ANTXR1: variants seen among roughly 807,000 people sequenced by gnomAD.
ANTXR1 encodes the protein ANTXR cell adhesion molecule 1.
ANTXR1 carries 19 observed loss-of-function variants against 78.1 expected under a neutral mutation model. The ratio of observed to expected loss-of-function variants is 0.24; its 90% CI spans 0.17 to 0.36. The LOEUF is 0.36. ANTXR1 is among the 10% of genes least tolerant of loss of function. The pLI is 1.00. For synonymous variants in ANTXR1, 273 were observed against 260.5 expected (o/e 1.05, Z -0.46); for missense variants, 518 against 718.6 (o/e 0.72, Z 3.19).
At chr2:69,172,926 C>T (rs528198050) in intron 14 of ANTXR1, among the ~76,000 whole-genome samples, 196 of 152,316 alleles carry the variant, frequency 1.3e-3, no homozygotes, top group Admixed American at 2.3e-3. Flanking sequence ...GGGATCCCTC[C>T]CTAACTCTCC....
Position 69,088,530 on chromosome 2 carries a change from G to A in ANTXR1, c.643-2329G>A, listed in dbSNP as rs530132809. Reference sequence around the variant, plus strand: ...AAATGTGGGCTGTCTGGAGACTTGTGCCTGAGGACAAGTCAAAGGGGGTGG... The same window carrying A: ...AAATGTGGGCTGTCTGGAGACTTGTACCTGAGGACAAGTCAAAGGGGGTGG... On this transcript the variant is annotated intron_variant, in intron 8 of 17. Coordinates refer to ENST00000303714, the MANE Select transcript of ANTXR1 (RefSeq NM_032208.3). Among the ~76,000 whole-genome samples, 4 of 152,240 alleles carry A rather than the reference G, an allele frequency of 2.6e-5. No homozygotes were observed. The East Asian group carries it at 7.7e-4, about 29-fold the overall frequency.
intron 8 of ANTXR1, among the ~76,000 whole-genome samples, chr2:69,081,924 A>G (rs1184601385): frequency 6.6e-6 from 1 of 152,258 alleles, no homozygotes; most frequent in African/African-American, 2.4e-5. Flanking sequence ...AGTAGATACT[A>G]AAAGTTCAGA....
At chr2:69,136,812 C>A (rs911098215) in intron 12 of ANTXR1, among the ~76,000 whole-genome samples, 1 of 151,972 alleles carries the variant, frequency 6.6e-6, no homozygotes, top group South Asian at 2.1e-4. Context: ...GGAGAGGTAA[C>A]AAAGAAAACT....
At chr2:69,154,446 C>A (rs1031932557) in intron 13 of ANTXR1, among the ~76,000 whole-genome samples, 3 of 152,122 alleles carry the variant, frequency 2.0e-5, no homozygotes, top group African/African-American at 7.2e-5. Context: ...CAGAGCAGGG[C>A]AGATTAAGGT....
At chr2:69,034,533 G>A (rs1243185356) in intron 1 of ANTXR1, among the ~76,000 whole-genome samples, 1 of 152,116 alleles carries the variant, frequency 6.6e-6, no homozygotes, top group Non-Finnish European at 1.5e-5. Context: ...AGCCTTCAGG[G>A]GCTAGAACTG....
chr2:69,049,462 C>T (rs553820007), intron 3 of ANTXR1, among the ~76,000 whole-genome samples: 112 of 152,184 alleles, frequency 7.4e-4, no homozygotes, highest in Middle Eastern at 3.4e-3. Context: ...AGGTGCACAC[C>T]GCCATGCCAG....
intron 3 of ANTXR1, among the ~76,000 whole-genome samples, chr2:69,067,306 C>CAAAA (rs58081284): frequency 7.1e-5 from 6 of 84,330 alleles, no homozygotes; most frequent in East Asian, 5.7e-4. Context: ...TGTTCTGGTA[C>CAAAA]AAAAAAAAAA....
At chr2:69,027,621 AGT>A (rs10631795) in intron 1 of ANTXR1, among the ~76,000 whole-genome samples, 19 of 146,812 alleles carry the variant, frequency 1.3e-4, no homozygotes, top group Non-Finnish European at 1.9e-4. Context: ...AGATGATGCA[AGT>A]GTGTGTGTGT....
intron 17 of ANTXR1, among the ~76,000 whole-genome samples, chr2:69,205,807 T>C (rs1392940989): frequency 6.6e-6 from 1 of 152,292 alleles, no homozygotes; most frequent in African/African-American, 2.4e-5. Flanking sequence ...TCTAGGGACA[T>C]GTCCAGATAA....
chr2:69,133,656 G>A (rs556284755), intron 12 of ANTXR1, among the ~76,000 whole-genome samples: 1 of 152,268 alleles, frequency 6.6e-6, no homozygotes, highest in South Asian at 2.1e-4. Flanking sequence ...AAAGGAGTAG[G>A]CTCTAGTTTA....
In ANTXR1 at chr2:69,245,655, TA is replaced by T. The variant is rs1404548859; in HGVS notation, c.*171del. 2.2e-6 allele frequency: 2 copies of T among 925,026 alleles called. No individual in the cohort carries two copies. The highest frequency in any genetic ancestry group is 3.2e-6 in the Non-Finnish European group (2 of 617,914). The allele number at this position is 925,026 out of a possible 1,614,324, so 57.3% of individuals were successfully genotyped here. On this transcript the variant is annotated 3_prime_UTR_variant, in exon 18 of 18. Transcript: ENST00000303714. ...ATCATGATCAGCTGAAAGAAACAGATATTTTAAATTGCCAGAAAACAAATGA... is the reference window on the plus strand; with the variant it reads ...ATCATGATCAGCTGAAAGAAACAGATTTTTAAATTGCCAGAAAACAAATGA...
At chr2:69,242,414 CAGA>C (rs1326119039) in intron 17 of ANTXR1, among the ~76,000 whole-genome samples, 3 of 152,204 alleles carry the variant, frequency 2.0e-5, no homozygotes, top group African/African-American at 7.2e-5. Flanking sequence ...GAGATATTGG[CAGA>C]AGAAGGCTGG....
chr2:69,219,741 C>T (rs1420496735), intron 17 of ANTXR1, among the ~76,000 whole-genome samples: 1 of 152,048 alleles, frequency 6.6e-6, no homozygotes, highest in Non-Finnish European at 1.5e-5. Flanking sequence ...GGGGTTTTGT[C>T]CTCTGTTTTT....
At chr2:69,215,817 C>T (rs1042625808) in intron 17 of ANTXR1, among the ~76,000 whole-genome samples, 2 of 152,210 alleles carry the variant, frequency 1.3e-5, no homozygotes, top group African/African-American at 4.8e-5. Context: ...AGCCTCTCTC[C>T]CATTCTTCTT....
chr2:69,227,279 C>A (rs993504319), intron 17 of ANTXR1, among the ~76,000 whole-genome samples: 3 of 152,100 alleles, frequency 2.0e-5, no homozygotes, highest in African/African-American at 7.2e-5. Flanking sequence ...TCATGGCAGC[C>A]CTTACCTAAA....
chr2:69,182,968 A>G, intron 16 of ANTXR1: 1 of 348,804 alleles, frequency 2.9e-6, no homozygotes, highest in Non-Finnish European at 5.1e-6. Context: ...AAATTCGTGA[A>G]GTGTTCCATA....
chr2:69,238,092 G>A (rs1675813317), intron 17 of ANTXR1, among the ~76,000 whole-genome samples: 1 of 152,182 alleles, frequency 6.6e-6, no homozygotes, highest in Non-Finnish European at 1.5e-5. Context: ...CTCATCCCCA[G>A]CTTCCCACTT....
At chr2:69,184,100 A>G (rs952625785) in intron 16 of ANTXR1, among the ~76,000 whole-genome samples, 7 of 151,952 alleles carry the variant, frequency 4.6e-5, no homozygotes, top group African/African-American at 1.2e-4. Flanking sequence ...CCCCCCTTCC[A>G]ATAGCAACAA....
intron 17 of ANTXR1, among the ~76,000 whole-genome samples, chr2:69,238,217 A>C (rs1266445561): frequency 6.6e-6 from 1 of 152,198 alleles, no homozygotes; most frequent in Non-Finnish European, 1.5e-5. Flanking sequence ...ATAGTTGTCC[A>C]ATCAACTGGT....
Sources: gnomAD v4.1 joint callset for allele counts (sites outside exome capture counted in the v4.1 genomes callset) on GRCh38, gnomAD v4.1.1 for gene constraint, MANE v1.5 for transcripts, NCBI Gene and HGNC (gene_info 2026-07-23, HGNC 2026-07-21) for gene names.